The following CMPK1 variants were observed in gnomAD, a reference collection of about 807,000 sequenced individuals.
CMPK1 encodes cytidine/uridine monophosphate kinase 1, also known as UMP-CMP kinase.
A neutral mutation model predicts 25.7 loss-of-function variants in CMPK1; 10 were observed. That is an observed-to-expected ratio of 0.39 (90% CI 0.24 to 0.66). CMPK1 has a LOEUF of 0.66. Among genes scored for constraint, CMPK1 ranks in the 30% least tolerant of loss-of-function variants. The pLI, the probability that CMPK1 is intolerant of heterozygous loss-of-function variation, is 0.48. For synonymous variants in CMPK1, 106 were observed against 101.5 expected, an observed-to-expected ratio of 1.04 and a Z score of -0.27; for missense variants, 199 against 280.5, an observed-to-expected ratio of 0.71 and a Z score of 2.08.
chr1:47,346,190 C>T (rs1002377038), intron 1 of CMPK1, among the ~76,000 whole-genome samples: 1 of 152,094 alleles, frequency 6.6e-6, no homozygotes, highest in African/African-American at 2.4e-5. Context: ...GCTGGGACTA[C>T]AGGTGCCCGC....
intron 5 of CMPK1, among the ~76,000 whole-genome samples, chr1:47,376,341 T>C (rs1378548146): frequency 6.6e-6 from 1 of 151,874 alleles, no homozygotes; most frequent in East Asian, 1.9e-4. Flanking sequence ...TTTGAGACAG[T>C]GTCTCACTCT....
Position 47,345,929 on chromosome 1 carries a change from A to G in CMPK1, c.171+11813A>G, listed in dbSNP as rs565345272. ...TGCCACCATGCCCAGCTAATTTTGT[A>G]TTTTTGGTAGAGATGGGGATTCACC... On this transcript the variant is annotated intron_variant, in intron 1 of 5. Transcript: ENST00000371873. Among the ~76,000 whole-genome samples the G allele has an allele frequency of 1.1e-4, 17 of 148,292 alleles. No individual in the cohort carries two copies. The South Asian group carries it at 3.6e-3, about 32-fold the overall frequency.
chr1:47,343,073 G>A lies in CMPK1; in HGVS notation c.171+8957G>A, dbSNP rs1646453595. 2.0e-5 allele frequency among the ~76,000 whole-genome samples: 3 copies of A among 148,680 alleles called. No individual in the cohort carries two copies. In the South Asian group the frequency reaches 6.4e-4, roughly 32 times the overall value. ...GTGATCTCTGCTCACTGCAACCTCC[G>A]CCTCCCGGATTCAAGCAATTCTTGT... On this transcript the variant is annotated intron_variant, in intron 1 of 5. Transcript: ENST00000371873.
chr1:47,360,395 C>T (rs1042121445), intron 1 of CMPK1, among the ~76,000 whole-genome samples: 21 of 152,256 alleles, frequency 1.4e-4, no homozygotes, highest in South Asian at 1.2e-3. Context: ...ATGCTATAAT[C>T]CTCTATTATC....
chr1:47,338,063 T>C (rs760593544), intron 1 of CMPK1, among the ~76,000 whole-genome samples: 7 of 152,082 alleles, frequency 4.6e-5, no homozygotes, highest in Non-Finnish European at 8.8e-5. Flanking sequence ...AGGAAAAAAA[T>C]TACATAAATC....
chr1:47,340,884 G>C (rs1189565804), intron 1 of CMPK1, among the ~76,000 whole-genome samples: 1 of 152,102 alleles, frequency 6.6e-6, no homozygotes, highest in Non-Finnish European at 1.5e-5. Flanking sequence ...TGATCCGCCC[G>C]CCTCAGCCTC....
At chr1:47,359,378 C>T (rs1273512207) in intron 1 of CMPK1, among the ~76,000 whole-genome samples, 3 of 121,350 alleles carry the variant, frequency 2.5e-5, no homozygotes, top group South Asian at 2.8e-4. Context: ...TGTTAAGAAA[C>T]CTTTTTTCTT....
intron 1 of CMPK1, among the ~76,000 whole-genome samples, chr1:47,342,334 G>T (rs890636023): frequency 1.3e-5 from 2 of 151,184 alleles, no homozygotes; most frequent in African/African-American, 4.9e-5. Context: ...TGCCCGCCTC[G>T]GCCTCCCAAT....
In CMPK1 at chr1:47,344,034, C is replaced by T. The variant is rs1031146056; in HGVS notation, c.171+9918C>T. ...AATAAGACATGATCACGCCACTGCG[C>T]TTCAGCCTGTGCAACAGAGCAAGAC... On this transcript the variant is annotated intron_variant, in intron 1 of 5. Coordinates refer to ENST00000371873, the MANE Select transcript of CMPK1 (RefSeq NM_016308.3). Among the ~76,000 whole-genome samples, 40 of 151,042 alleles carry T rather than the reference C, an allele frequency of 2.6e-4. 1 individual carries two copies. The highest frequency in any genetic ancestry group is 2.6e-3 in the Admixed American group (39 of 15,100).
At chr1:47,363,485 G>A (rs576901759) in intron 1 of CMPK1, among the ~76,000 whole-genome samples, 3 of 151,858 alleles carry the variant, frequency 2.0e-5, no homozygotes, top group East Asian at 1.9e-4. Flanking sequence ...AATTTGCTGC[G>A]CATGGTGGCG....
intron 1 of CMPK1, among the ~76,000 whole-genome samples, 179 bp downstream of exon 1, chr1:47,334,295 T>C (rs949207944): frequency 6.6e-6 from 1 of 151,526 alleles, no homozygotes; most frequent in Non-Finnish European, 1.5e-5. Context: ...TGCCGGGACT[T>C]GTAGTCCGCG....
chr1:47,340,376 A>T (rs1172779899), intron 1 of CMPK1, among the ~76,000 whole-genome samples: 3 of 151,456 alleles, frequency 2.0e-5, no homozygotes, highest in Non-Finnish European at 4.4e-5. Context: ...GATTCAAACG[A>T]TCCTCCCACC....
At chr1:47,363,716 T>G (rs1646619428) in intron 1 of CMPK1, among the ~76,000 whole-genome samples, 1 of 151,802 alleles carries the variant, frequency 6.6e-6, no homozygotes, top group Admixed American at 6.6e-5. Context: ...AGGCCGAGGC[T>G]GACGGATCAT....
intron 1 of CMPK1, among the ~76,000 whole-genome samples, chr1:47,336,121 A>G (rs1646397299): frequency 6.8e-6 from 1 of 147,828 alleles, no homozygotes; most frequent in Admixed American, 6.9e-5. Context: ...TGGGCGACAG[A>G]GCGAGACTCC....
intron 1 of CMPK1, among the ~76,000 whole-genome samples, chr1:47,345,161 G>T (rs954263643): frequency 6.6e-6 from 1 of 151,966 alleles, no homozygotes; most frequent in East Asian, 1.9e-4. Context: ...CAGGTGATCC[G>T]CCTGCTTCAG....
At chr1:47,362,715 C>T (rs976584675) in intron 1 of CMPK1, among the ~76,000 whole-genome samples, 7 of 152,126 alleles carry the variant, frequency 4.6e-5, no homozygotes, top group South Asian at 2.1e-4. Context: ...TATTTAGCTT[C>T]GTTGAGAACT....
chr1:47,337,912 G>T (rs1646411477), intron 1 of CMPK1, among the ~76,000 whole-genome samples: 1 of 152,022 alleles, frequency 6.6e-6, no homozygotes, highest in African/African-American at 2.4e-5. Context: ...TGCCCGGCCT[G>T]GAATATCTAT....
intron 3 of CMPK1, 140 bp from the exon 4 acceptor site, chr1:47,374,769 G>C: frequency 1.7e-6 from 1 of 576,034 alleles, no homozygotes; most frequent in Non-Finnish European, 3.0e-6. Flanking sequence ...AAAGGACTTT[G>C]CATGTTGATT....
chr1:47,348,552 C>A (rs1039643034), intron 1 of CMPK1, among the ~76,000 whole-genome samples: 1 of 152,186 alleles, frequency 6.6e-6, no homozygotes, highest in African/African-American at 2.4e-5. Context: ...TTACTAGTCT[C>A]AGAGGCCTTC....
Sources: gnomAD v4.1 joint callset for allele counts (sites outside exome capture counted in the v4.1 genomes callset) on GRCh38, gnomAD v4.1.1 for gene constraint, MANE v1.5 for transcripts, NCBI Gene and HGNC (gene_info 2026-07-23, HGNC 2026-07-21) for gene names.